Variants in CCDC171 observed in about 807,000 individuals in gnomAD.
The protein encoded by CCDC171 is coiled-coil domain-containing protein 171.
Under a neutral mutation model 168.2 loss-of-function variants are expected in CCDC171, and 177 were observed. The observed-to-expected ratio is 1.05, with a 90% CI of 0.93 to 1.19. CCDC171 has a LOEUF of 1.19. CCDC171 is among the 50% of genes most tolerant of loss of function. The pLI is 0.00. For synonymous variants in CCDC171, 687 were observed against 540.8 expected (o/e 1.27, Z -3.75); for missense variants, 1,991 against 1,539.0 (o/e 1.29, Z -4.91).
intron 4 of CCDC171, among the ~76,000 whole-genome samples, chr9:15,586,944 A>G (rs994139459): frequency 8.5e-5 from 13 of 152,106 alleles, no homozygotes; most frequent in Non-Finnish European, 1.9e-4. Flanking sequence ...AGTAGTTAGG[A>G]CTATAGGTGT....
intron 25 of CCDC171, among the ~76,000 whole-genome samples, chr9:15,969,142 A>T (rs1831101051): frequency 6.6e-6 from 1 of 152,204 alleles, no homozygotes; most frequent in Admixed American, 6.5e-5. Context: ...ATACTAGGGA[A>T]ATAACACCCC....
chr9:15,677,081 G>T (rs1204807558), intron 9 of CCDC171, among the ~76,000 whole-genome samples: 1 of 151,998 alleles, frequency 6.6e-6, no homozygotes, highest in Admixed American at 6.6e-5. Flanking sequence ...GGTTCTTGTC[G>T]AGCTCTTTCA....
At chr9:15,619,750 G>C (rs1338309453) in intron 6 of CCDC171, among the ~76,000 whole-genome samples, 1 of 152,164 alleles carries the variant, frequency 6.6e-6, no homozygotes, top group Non-Finnish European at 1.5e-5. Flanking sequence ...CTACTGGAAG[G>C]TGTCATCTAG....
chr9:16,087,557 C>CTTTTTTTTTT, the CCDC171 span, among the ~76,000 whole-genome samples: 5 of 78,800 alleles, frequency 6.3e-5, no homozygotes, highest in African/African-American at 1.7e-4. Flanking sequence ...GCAACTCCTG[C>CTTTTTTTTTT]TTTTTTTTTT....
At chr9:16,067,213 T>A in the CCDC171 span, among the ~76,000 whole-genome samples, 3 of 152,098 alleles carry the variant, frequency 2.0e-5, no homozygotes, top group Admixed American at 2.0e-4. Context: ...TGATGGCCAG[T>A]GATGATGAGC....
At chr9:15,653,011 A>G (rs1207963212) in intron 7 of CCDC171, among the ~76,000 whole-genome samples, 1 of 152,170 alleles carries the variant, frequency 6.6e-6, no homozygotes, top group African/African-American at 2.4e-5. Context: ...TCTTTGCCTT[A>G]TCTTATCACG....
In CCDC171 at chr9:15,629,821, T is replaced by C. The variant is rs58422092; in HGVS notation, c.822+6408T>C. Among the ~76,000 whole-genome samples the C allele has an allele frequency of 6.2e-3, 951 of 152,190 alleles. 8 individuals carry two copies. Among genetic ancestry groups the C allele is most frequent in the African/African-American group, 0.022 (907 of 41,540 alleles). On this transcript the variant is annotated intron_variant, in intron 7 of 25. Coordinates refer to ENST00000380701, the MANE Select transcript of CCDC171 (RefSeq NM_173550.4). ...AAAGGGAAGCCCATCAGACTAACAG[T>C]GGATCTCTCGGCAGAAACTCTACAA...
the CCDC171 span, among the ~76,000 whole-genome samples, chr9:16,106,708 A>T: frequency 6.6e-6 from 1 of 152,186 alleles, no homozygotes; most frequent in African/African-American, 2.4e-5. Context: ...CTTTTAGAAA[A>T]GACATGGCTT....
At chr9:15,702,022 A>G (rs1440758792) in intron 11 of CCDC171, among the ~76,000 whole-genome samples, 2 of 152,236 alleles carry the variant, frequency 1.3e-5, no homozygotes, top group South Asian at 2.1e-4. Context: ...TTCTTGATCC[A>G]TGGGCTACAG....
intron 21 of CCDC171, among the ~76,000 whole-genome samples, chr9:15,835,743 ATTACATAAAGT>A (rs1317420871): frequency 1.3e-5 from 2 of 152,136 alleles, no homozygotes; most frequent in African/African-American, 2.4e-5. Flanking sequence ...TGCATTTTTA[ATTACATAAAGT>A]TTATACATAT....
At chr9:15,659,562 A>G (rs1451260434) in intron 8 of CCDC171, among the ~76,000 whole-genome samples, 1 of 152,182 alleles carries the variant, frequency 6.6e-6, no homozygotes, top group Non-Finnish European at 1.5e-5. Context: ...ATTTCATGTT[A>G]TTTAGCTGGT....
intron 6 of CCDC171, among the ~76,000 whole-genome samples, chr9:15,621,343 A>G (rs1316472529): frequency 6.6e-6 from 1 of 152,232 alleles, no homozygotes; most frequent in Non-Finnish European, 1.5e-5. Flanking sequence ...ATTACACTAT[A>G]GTGCAAACAT....
intron 3 of CCDC171, chr9:16,020,463 T>G (rs1056030899): frequency 7.8e-5 from 12 of 153,470 alleles, no homozygotes; most frequent in African/African-American, 2.9e-4. Context: ...AGAAGATTTG[T>G]TTTTACTGCA....
chr9:15,993,687 T>C (rs1489589200), intron 3 of CCDC171, among the ~76,000 whole-genome samples: 1 of 152,114 alleles, frequency 6.6e-6, no homozygotes, highest in Admixed American at 6.5e-5. Flanking sequence ...ATTTTTGCAA[T>C]CTACTCATCT....
chr9:16,100,399 G>A, the CCDC171 span, among the ~76,000 whole-genome samples: 1 of 152,184 alleles, frequency 6.6e-6, no homozygotes, highest in African/African-American at 2.4e-5. Flanking sequence ...TGCAGATAGA[G>A]CTCAGGATAA....
chr9:15,861,880 T>G (rs747577611), intron 23 of CCDC171, among the ~76,000 whole-genome samples: 1 of 152,046 alleles, frequency 6.6e-6, no homozygotes, highest in Non-Finnish European at 1.5e-5. Context: ...CATTCTATTA[T>G]TTCTACTTGA....
chr9:15,852,488 TTATATATA>T (rs2061171955), intron 23 of CCDC171, among the ~76,000 whole-genome samples: 1 of 151,710 alleles, frequency 6.6e-6, no homozygotes. Context: ...TAGAATCTTA[TTATATATA>T]TGAATTGAAA....
intron 18 of CCDC171, among the ~76,000 whole-genome samples, chr9:15,775,131 T>C (rs1218517374): frequency 2.0e-5 from 3 of 152,324 alleles, no homozygotes; most frequent in Non-Finnish European, 2.9e-5. Flanking sequence ...CTGTACTGTA[T>C]AATGTGAACT....
At chr9:15,716,084 C>T (rs2053064560) in intron 11 of CCDC171, among the ~76,000 whole-genome samples, 1 of 152,178 alleles carries the variant, frequency 6.6e-6, no homozygotes. Context: ...AATTCACCAT[C>T]ACATCCCCTT....
Sources: allele counts gnomAD v4.1 joint callset (sites outside exome capture counted in the v4.1 genomes callset), GRCh38; gene constraint gnomAD v4.1.1; transcripts MANE v1.5; gene names NCBI Gene and HGNC (gene_info 2026-07-23, HGNC 2026-07-21).